Variants in NKAIN4 observed in about 807,000 individuals in gnomAD.
NKAIN4 encodes sodium/potassium-transporting ATPase subunit beta-1-interacting protein 4.
A neutral mutation model predicts 28.8 loss-of-function variants in NKAIN4; 28 were observed. That is an observed-to-expected ratio of 0.97 (90% CI 0.72 to 1.33). The LOEUF is 1.33. NKAIN4 is among the 40% of genes most tolerant of loss of function. The pLI is 0.00. For synonymous variants in NKAIN4, 122 were observed against 115.6 expected (o/e 1.06, Z -0.36); for missense variants, 289 against 277.2 (o/e 1.04, Z -0.30).
intron 3 of NKAIN4, 54 bp downstream of exon 3, chr20:63,248,761 G>T (rs926132775): frequency 3.5e-5 from 42 of 1,196,298 alleles, no homozygotes; most frequent in Non-Finnish European, 4.7e-5. Flanking sequence ...GTTACCAGGG[G>T]CCCGGCCCAG....
chr20:63,254,229 C>T, intron 1 of NKAIN4, 168 bp downstream of exon 1: 1 of 529,690 alleles, frequency 1.9e-6, no homozygotes, highest in Non-Finnish European at 3.0e-6. Flanking sequence ...GCCCCGCAGG[C>T]GACGCCACCT....
intron 1 of NKAIN4, chr20:63,254,168 GC>G (rs1568716015): frequency 2.6e-5 from 11 of 420,078 alleles, no homozygotes; most frequent in South Asian, 1.2e-4. Context: ...ACCCGCGGCC[GC>G]CCCCCGCGCA....
At chr20:63,246,682 A>G in intron 4 of NKAIN4, 5 of 984,090 alleles carry the variant, frequency 5.1e-6, no homozygotes, top group Non-Finnish European at 6.0e-6. Flanking sequence ...GGGAGCCTCG[A>G]GATCGGTCAG....
intron 6 of NKAIN4, 145 bp downstream of exon 6, chr20:63,242,394 G>C (rs2066771117): frequency 1.4e-6 from 1 of 705,666 alleles, no homozygotes; most frequent in Non-Finnish European, 2.5e-6. Context: ...GCAGATGTTA[G>C]AAAAGTGAGA....
chr20:63,242,122 A>C (rs1191815530), intron 6 of NKAIN4, among the ~76,000 whole-genome samples: 1 of 152,160 alleles, frequency 6.6e-6, no homozygotes, highest in Non-Finnish European at 1.5e-5. Flanking sequence ...AGCTGTGGAC[A>C]CTGCCTTTCA....
intron 5 of NKAIN4, among the ~76,000 whole-genome samples, 163 bp from the exon 6 acceptor site, chr20:63,242,786 C>T (rs1239239610): frequency 1.1e-4 from 6 of 53,884 alleles, no homozygotes; most frequent in East Asian, 4.1e-4. Flanking sequence ...CCTGGGGGGA[C>T]GGGGGGGGTG....
At position 63,245,490 on chromosome 20, in the gene NKAIN4, C is replaced by G. The variant is rs1321932554; in HGVS notation, c.472-1406G>C. ...CACCTCTGTCCCACACCCCCATGCT[C>G]CCCGCCCTGCACACCACCGCCTCCT... On this transcript the variant is annotated intron_variant, in intron 4 of 6. Transcript: ENST00000370316. The surrounding 1 kb of genome is among the most constrained non-coding windows in gnomAD (Gnocchi z 4.7). 6.6e-6 allele frequency among the ~76,000 whole-genome samples: 1 copy of G among 152,072 alleles called. No homozygotes were observed. Among genetic ancestry groups the G allele is most frequent in the Non-Finnish European group, 1.5e-5 (1 of 68,006 alleles).
At chr20:63,248,485 C>T (rs1320404456) in intron 3 of NKAIN4, 5 of 272,794 alleles carry the variant, frequency 1.8e-5, no homozygotes, top group Non-Finnish European at 2.9e-5. Flanking sequence ...AAGGACCCCA[C>T]GTGGCCCCAG....
At position 63,253,682 on chromosome 20, in the gene NKAIN4, C is replaced by A. The variant is rs555048560; in HGVS notation, c.54+715G>T. 5.3e-5 allele frequency among the ~76,000 whole-genome samples: 8 copies of A among 152,312 alleles called. No homozygotes were observed. The East Asian group carries it at 1.5e-3, about 30-fold the overall frequency. On this transcript the variant is annotated intron_variant, in intron 1 of 6. Coordinates refer to ENST00000370316, the MANE Select transcript of NKAIN4 (RefSeq NM_152864.4). ...CGGGCTCCGGGAAAGAATCCGCCCC[C>A]CAGGCGTCCCAGGGAGCTTCGGACT...
rs1011871664 is a variant in NKAIN4 at position 63,241,791 on chromosome 20, G to A, written c.618-285C>T. The A allele has an allele frequency of 4.8e-6, 3 of 624,746 alleles. No individual in the cohort carries two copies. In the African/African-American group the frequency reaches 5.5e-5, roughly 11 times the overall value. The allele number at this position is 624,746 out of a possible 1,614,324, so 38.7% of individuals were successfully genotyped here. On this transcript the variant is annotated intron_variant, in intron 6 of 6. Coordinates refer to ENST00000370316, the MANE Select transcript of NKAIN4 (RefSeq NM_152864.4). Reference sequence around the variant, plus strand: ...GGGGGCTCACCCAGGGGTGTGCCTGGGTCCCTGGCTCAGGGTCTGCGTGTG... The same window carrying A: ...GGGGGCTCACCCAGGGGTGTGCCTGAGTCCCTGGCTCAGGGTCTGCGTGTG...
At chr20:63,246,812 C>G in intron 4 of NKAIN4, 1 of 985,486 alleles carries the variant, frequency 1.0e-6, no homozygotes, top group Non-Finnish European at 1.2e-6. Flanking sequence ...TTGCCTCTTT[C>G]TGAGCACTTC....
At chr20:63,242,969 C>T (rs2066787636) in intron 5 of NKAIN4, among the ~76,000 whole-genome samples, 1 of 152,196 alleles carries the variant, frequency 6.6e-6, no homozygotes, top group East Asian at 1.9e-4. Context: ...GTCAGGACAG[C>T]CCGGGTCCTC....
chr20:63,244,715 C>A (rs963242666), intron 4 of NKAIN4, among the ~76,000 whole-genome samples: 3 of 152,214 alleles, frequency 2.0e-5, no homozygotes, highest in African/African-American at 7.2e-5. Context: ...AAGCCCCACA[C>A]ACCTCGCAGA....
rs2066840491 is a variant in NKAIN4 at position 63,245,524 on chromosome 20, T to C, written c.472-1440A>G. Among the ~76,000 whole-genome samples, 1 of 151,612 alleles carries C rather than the reference T, an allele frequency of 6.6e-6. No individual in the cohort carries two copies. The highest frequency in any genetic ancestry group is 2.4e-5 in the African/African-American group (1 of 41,156). On this transcript the variant is annotated intron_variant, in intron 4 of 6. Transcript: ENST00000370316. This position sits in a 1 kb window ranked among gnomAD's most constrained non-coding sequence, Gnocchi z 4.7. ...GCACACCACCGCCTCCTGCCCATCC[T>C]CCTGGCTCCAGCCCCAGGTCCACCC...
At chr20:63,243,338 T>C (rs1241549657) in intron 5 of NKAIN4, among the ~76,000 whole-genome samples, 2 of 152,166 alleles carry the variant, frequency 1.3e-5, no homozygotes, top group East Asian at 3.9e-4. Flanking sequence ...CGTGGACTGC[T>C]GACCCCATGG....
intron 5 of NKAIN4, 195 bp downstream of exon 5, chr20:63,243,829 T>A: frequency 7.3e-6 from 4 of 549,100 alleles, no homozygotes. Context: ...GCCCCCAGGC[T>A]AGGACCTCTG....
At chr20:63,251,173 AG>A (rs2123124302) in intron 1 of NKAIN4, among the ~76,000 whole-genome samples, 2 of 152,202 alleles carry the variant, frequency 1.3e-5, no homozygotes, top group East Asian at 3.9e-4. Flanking sequence ...GAGGAGAGAG[AG>A]AGAGAGAGAC....
At chr20:63,246,621 G>A in intron 4 of NKAIN4, 1 of 985,334 alleles carries the variant, frequency 1.0e-6, no homozygotes. Context: ...GGAAGCCCCA[G>A]GTCCACCTGG....
intron 2 of NKAIN4, 92 bp from the exon 3 acceptor site, chr20:63,248,987 G>C (rs1051502893): frequency 2.4e-6 from 2 of 843,190 alleles, no homozygotes; most frequent in Non-Finnish European, 4.0e-6. Context: ...TCCCATGATC[G>C]CATAGGAGGG....
Sources: allele counts gnomAD v4.1 joint callset (sites outside exome capture counted in the v4.1 genomes callset), GRCh38; gene constraint gnomAD v4.1.1; non-coding constraint Gnocchi (gnomAD v3.1); transcripts MANE v1.5; gene names NCBI Gene and HGNC (gene_info 2026-07-23, HGNC 2026-07-21).